The following MALRD1 variants were observed in gnomAD, a reference collection of about 807,000 sequenced individuals.
The protein encoded by MALRD1 is MAM and LDL-receptor class A domain-containing protein 1.
Under a neutral mutation model 242.1 loss-of-function variants are expected in MALRD1, and 247 were observed. The observed-to-expected ratio is 1.02, with a 90% confidence interval of 0.92 to 1.13. The LOEUF (loss-of-function observed/expected upper bound fraction) is 1.13, where lower values mean the gene tolerates loss of function less well. MALRD1 is among the 50% of genes most tolerant of loss of function. The probability of loss-of-function intolerance (pLI) is 0.00; values close to 1 mark genes in which losing one functional copy is unlikely to be tolerated. For missense variants in MALRD1, 2,989 were observed against 2,533.1 expected, an observed-to-expected ratio of 1.18 and a Z score of -3.86; for synonymous variants, 995 against 866.6, an observed-to-expected ratio of 1.15 and a Z score of -2.60.
At chr10:19,278,478 CATCCATCT>C (rs1379386627) in intron 19 of MALRD1, among the ~76,000 whole-genome samples, 5 of 151,966 alleles carry the variant, frequency 3.3e-5, no homozygotes, top group Admixed American at 6.6e-5. Context: ...TCCATCCATC[CATCCATCT>C]ATCCATCCAT....
chr10:19,655,921 C>T (rs994163400), intron 36 of MALRD1, among the ~76,000 whole-genome samples: 5 of 152,080 alleles, frequency 3.3e-5, no homozygotes, highest in Non-Finnish European at 7.4e-5. Context: ...CAGAGTGTCT[C>T]AGTTGGTACC....
Position 19,734,180 on chromosome 10 carries a change from C to T in MALRD1, c.6414C>T (p.Asn2138=). The T allele has an allele frequency of 6.5e-7, 1 of 1,535,538 alleles. No homozygotes were observed. The highest frequency in any genetic ancestry group is 8.7e-7 in the Non-Finnish European group (1 of 1,146,628). The change falls in exon 40 of 40, where the codon AAC becomes AAT. Residue 2138 remains asparagine (N), a synonymous_variant. Coordinates refer to ENST00000454679, the MANE Select transcript of MALRD1 (RefSeq NM_001142308.3). ...AGAGTTCTGTCTATTCCTTCTCAAA[C>T]CCATTATATGGCACAACATCAGGAA... is the stretch of plus-strand genomic sequence containing the variant. The part of the protein sequence containing the change: ...KTESSVYSFS[N]PLYGTTSGSL...
intron 31 of MALRD1, among the ~76,000 whole-genome samples, chr10:19,522,406 G>A (rs1833921576): frequency 6.6e-6 from 1 of 152,138 alleles, no homozygotes; most frequent in Non-Finnish European, 1.5e-5. Flanking sequence ...CTAGGACTAA[G>A]ATTGTATTTA....
chr10:19,583,131 G>T (rs1185873980), intron 33 of MALRD1, among the ~76,000 whole-genome samples: 3 of 123,676 alleles, frequency 2.4e-5, no homozygotes, highest in African/African-American at 1.1e-4. Context: ...GGGCTGAGAC[G>T]ATGGGGTTTT....
At chr10:19,462,851 T>C (rs2358398) in intron 29 of MALRD1, among the ~76,000 whole-genome samples, 131,204 of 151,878 alleles carry the variant, frequency 0.86, 56,833 homozygotes, top group East Asian at 1. Flanking sequence ...ATTCAAGAGT[T>C]TGCTTTAGCT....
At chr10:19,387,471 C>G in intron 26 of MALRD1, 57 bp from the exon 27 acceptor site, 1 of 1,497,780 alleles carries the variant, frequency 6.7e-7, no homozygotes, top group South Asian at 1.3e-5. Flanking sequence ...GCTTTTTGAC[C>G]TCACTGAATG....
At chr10:19,504,903 C>T (rs528477723) in intron 31 of MALRD1, among the ~76,000 whole-genome samples, 33 of 151,078 alleles carry the variant, frequency 2.2e-4, no homozygotes, top group Middle Eastern at 3.4e-3. Context: ...AGGATGGTCT[C>T]GATCTCCTGA....
chr10:19,335,572 A>G lies in MALRD1; in HGVS notation c.3901+3990A>G, dbSNP rs183732205. Among the ~76,000 whole-genome samples the G allele has an allele frequency of 6.3e-3, 961 of 152,228 alleles. 8 individuals carry two copies. The highest frequency in any genetic ancestry group is 0.022 in the African/African-American group (909 of 41,550). On this transcript the variant is annotated intron_variant, in intron 24 of 39. Coordinates refer to ENST00000454679, the MANE Select transcript of MALRD1 (RefSeq NM_001142308.3). The stretch of plus-strand genomic sequence containing the variant: ...GAAAGACAATATTAAAAGAATCACC[A>G]TAGAAAATGATTTCAAAAGTTTGGC...
At chr10:19,486,106 GT>G (rs199830716) in intron 29 of MALRD1, among the ~76,000 whole-genome samples, 5 of 152,030 alleles carry the variant, frequency 3.3e-5, no homozygotes, top group African/African-American at 9.7e-5. Context: ...AGGAGAGATT[GT>G]TTTTTTCTAC....
intron 28 of MALRD1, among the ~76,000 whole-genome samples, chr10:19,437,676 C>T (rs975430466): frequency 6.6e-6 from 1 of 151,986 alleles, no homozygotes; most frequent in East Asian, 1.9e-4. Flanking sequence ...AATATAACAT[C>T]AACAACTAAT....
intron 26 of MALRD1, among the ~76,000 whole-genome samples, chr10:19,377,462 A>G (rs1035919497): frequency 3.3e-5 from 5 of 152,114 alleles, no homozygotes; most frequent in Non-Finnish European, 5.9e-5. Flanking sequence ...TCTGCTCCCT[A>G]TTCAATTGTG....
rs370772638 is a variant in MALRD1, at chr10:19,264,705, G to A, written c.3079+6934G>A. On this transcript the variant is annotated intron_variant, in intron 19 of 39. Transcript: ENST00000454679. ...CCTGGCCTCGTTATCCGCCTGCCTC[G>A]GCCTCTCAAAGTGCTGGGATTACAG... Among the ~76,000 whole-genome samples the A allele has an allele frequency of 2.4e-4, 36 of 152,038 alleles. 1 individual carries two copies. Among genetic ancestry groups the A allele is most frequent in the East Asian group, 1.4e-3 (7 of 5,162 alleles).
intron 18 of MALRD1, among the ~76,000 whole-genome samples, chr10:19,216,223 T>G (rs1837310226): frequency 6.6e-6 from 1 of 151,232 alleles, no homozygotes; most frequent in Admixed American, 6.6e-5. Context: ...GGTCAAGTGA[T>G]TCTCCTGCCT....
chr10:19,434,530 T>C (rs1834272000), intron 28 of MALRD1, among the ~76,000 whole-genome samples: 1 of 152,002 alleles, frequency 6.6e-6, no homozygotes, highest in Non-Finnish European at 1.5e-5. Flanking sequence ...ATAACTTTTC[T>C]ATTACTCAAT....
intron 2 of MALRD1, among the ~76,000 whole-genome samples, chr10:19,081,311 A>G (rs1835483691): frequency 6.6e-6 from 1 of 152,160 alleles, no homozygotes; most frequent in Admixed American, 6.6e-5. Context: ...AGACACATAC[A>G]TGCGTATGTT....
At chr10:19,225,897 C>T (rs1357447750) in intron 18 of MALRD1, among the ~76,000 whole-genome samples, 2 of 152,154 alleles carry the variant, frequency 1.3e-5, no homozygotes, top group African/African-American at 2.4e-5. Context: ...TTTAACCTTG[C>T]TTTTCTTTTT....
chr10:19,067,858 T>G (rs1835027486), intron 2 of MALRD1, among the ~76,000 whole-genome samples: 1 of 152,164 alleles, frequency 6.6e-6, no homozygotes, highest in African/African-American at 2.4e-5. Flanking sequence ...GTGTTGCTAA[T>G]GTTACTTCTA....
chr10:19,675,621 G>A (rs1176449974), intron 36 of MALRD1, among the ~76,000 whole-genome samples: 10 of 152,238 alleles, frequency 6.6e-5, no homozygotes, highest in African/African-American at 2.4e-4. Context: ...TGCTAAAATT[G>A]TAAGTGATTA....
At chr10:19,396,656 A>G (rs890430173) in intron 28 of MALRD1, among the ~76,000 whole-genome samples, 10 of 152,208 alleles carry the variant, frequency 6.6e-5, no homozygotes, top group African/African-American at 2.4e-4. Context: ...ATTAGAATTT[A>G]AAATATTCTA....
Sources: gnomAD v4.1 joint callset for allele counts (sites outside exome capture counted in the v4.1 genomes callset) on GRCh38, gnomAD v4.1.1 for gene constraint, MANE v1.5 for transcripts, NCBI Gene and HGNC (gene_info 2026-07-23, HGNC 2026-07-21) for gene names.